CHST3: variants seen among roughly 807,000 people sequenced by gnomAD.
The protein encoded by CHST3 is carbohydrate sulfotransferase 3.
A neutral mutation model predicts 35.4 loss-of-function variants in CHST3; 20 were observed. The observed-to-expected ratio is 0.57, with a 90% CI of 0.40 to 0.82. The LOEUF is 0.82. Among genes scored for constraint, CHST3 ranks in the 40% least tolerant of loss-of-function variants. CHST3 has a pLI of 0.00. For missense variants in CHST3, 693 were observed against 670.1 expected (o/e 1.03, Z -0.38); for synonymous variants, 334 against 295.9 (o/e 1.13, Z -1.32).
intron 1 of CHST3, among the ~76,000 whole-genome samples, chr10:71,990,012 A>G (rs1040342705): frequency 6.6e-6 from 1 of 152,214 alleles, no homozygotes; most frequent in African/African-American, 2.4e-5. Flanking sequence ...TTTGCCTATT[A>G]ACATGCATTA....
intron 1 of CHST3, among the ~76,000 whole-genome samples, chr10:71,986,493 C>T (rs761569834): frequency 3.9e-5 from 6 of 152,208 alleles, no homozygotes; most frequent in Non-Finnish European, 1.5e-5. Context: ...TCGCAGCACT[C>T]GTATTTTCAA....
At chr10:72,004,720 G>T (rs747140264) in intron 1 of CHST3, among the ~76,000 whole-genome samples, 4 of 152,130 alleles carry the variant, frequency 2.6e-5, no homozygotes, top group Non-Finnish European at 4.4e-5. Flanking sequence ...CCCGGCATTT[G>T]TTTCTGAATG....
At chr10:71,989,928 A>G (rs1451059768) in intron 1 of CHST3, among the ~76,000 whole-genome samples, 1 of 152,230 alleles carries the variant, frequency 6.6e-6, no homozygotes. Flanking sequence ...CTTTTTAATC[A>G]TTACAGAGTA....
In CHST3 at chr10:71,982,775, A is replaced by G. The variant is rs935833392; in HGVS notation, c.-108+18081A>G. Reference sequence around the variant, plus strand: ...AAAAAAAGGAAAGAAAGTAAGTGTTATTTGAAGGTACTAAGTTTGTGGCAA... The same window carrying G: ...AAAAAAAGGAAAGAAAGTAAGTGTTGTTTGAAGGTACTAAGTTTGTGGCAA... On this transcript the variant is annotated intron_variant, in intron 1 of 2. Transcript: ENST00000373115. 4.6e-5 allele frequency among the ~76,000 whole-genome samples: 7 copies of G among 152,284 alleles called. No individual in the cohort carries two copies. The South Asian group carries it at 1.5e-3, about 32-fold the overall frequency.
chr10:71,998,924 G>A (rs1207889161), intron 1 of CHST3, among the ~76,000 whole-genome samples: 1 of 151,878 alleles, frequency 6.6e-6, no homozygotes, highest in Non-Finnish European at 1.5e-5. Flanking sequence ...GAGGTGGTGG[G>A]GGAGCTGCAG....
At chr10:71,968,375 T>G (rs1188487471) in intron 1 of CHST3, among the ~76,000 whole-genome samples, 1 of 152,228 alleles carries the variant, frequency 6.6e-6, no homozygotes, top group African/African-American at 2.4e-5. Flanking sequence ...CCTTATAGAT[T>G]CTGGATATTA....
intron 1 of CHST3, among the ~76,000 whole-genome samples, chr10:71,976,561 GGA>G (rs1298410538): frequency 1.3e-5 from 2 of 152,158 alleles, no homozygotes; most frequent in Non-Finnish European, 2.9e-5. Flanking sequence ...CTCCCCTCCA[GGA>G]GAGAGAGAAC....
intron 1 of CHST3, among the ~76,000 whole-genome samples, chr10:71,967,800 A>G (rs1839645996): frequency 1.3e-5 from 2 of 152,012 alleles, no homozygotes; most frequent in Admixed American, 1.3e-4. Context: ...AGCAGTGTAT[A>G]AGCACTCTGT....
chr10:71,978,027 C>T (rs1452039372), intron 1 of CHST3, among the ~76,000 whole-genome samples: 1 of 152,220 alleles, frequency 6.6e-6, no homozygotes, highest in Non-Finnish European at 1.5e-5. Context: ...CTTCCTACGC[C>T]TTCCTATGCC....
In CHST3 at chr10:72,007,225, C is replaced by T. The variant is rs774717127; in HGVS notation, c.194C>T (p.Thr65Ile). ...CAAGCTCTAGCAGATGCCAACAGCA[C>T]CGACCCAGCCCTGATCTTAGCTGAG... ...IPQALADANS[T>I]DPALILAENA... Residue 65 changes from threonine to isoleucine, a missense_variant, in exon 3 of 3, where the codon ACC becomes ATC. Thr to Ile is a moderately conservative substitution (Grantham distance 89). Coordinates refer to ENST00000373115, the MANE Select transcript of CHST3 (RefSeq NM_004273.5). 1.9e-6 allele frequency: 3 copies of T among 1,614,216 alleles called. No individual in the cohort carries two copies. Among genetic ancestry groups the T allele is most frequent in the Admixed American group, 3.3e-5 (2 of 60,028 alleles).
intron 1 of CHST3, among the ~76,000 whole-genome samples, chr10:71,965,275 T>A (rs1839618474): frequency 6.6e-6 from 1 of 152,080 alleles, no homozygotes; most frequent in African/African-American, 2.4e-5. Flanking sequence ...GCGAAGCCCT[T>A]CCGGAGGCGA....
chr10:72,000,055 C>T (rs1259833890), intron 1 of CHST3, among the ~76,000 whole-genome samples: 4 of 152,184 alleles, frequency 2.6e-5, no homozygotes, highest in East Asian at 1.9e-4. Flanking sequence ...TGGTTCGCAC[C>T]GTGGTCCCAG....
intron 1 of CHST3, among the ~76,000 whole-genome samples, chr10:72,002,701 C>T (rs939678601): frequency 6.6e-6 from 1 of 152,218 alleles, no homozygotes; most frequent in African/African-American, 2.4e-5. Context: ...TTCAACACCT[C>T]GTACTCTGAA....
At chr10:71,976,313 T>C (rs1360833405) in intron 1 of CHST3, among the ~76,000 whole-genome samples, 2 of 152,184 alleles carry the variant, frequency 1.3e-5, no homozygotes, top group African/African-American at 2.4e-5. Flanking sequence ...ATGCAGCACA[T>C]TGCCATTGCT....
chr10:71,992,013 TA>T (rs1195423868), intron 1 of CHST3, among the ~76,000 whole-genome samples: 16 of 152,162 alleles, frequency 1.1e-4, no homozygotes, highest in African/African-American at 3.4e-4. Context: ...GTACATAACT[TA>T]AAAATACTTT....
intron 1 of CHST3, among the ~76,000 whole-genome samples, chr10:72,005,444 TA>T: frequency 6.6e-6 from 1 of 152,352 alleles, no homozygotes; most frequent in South Asian, 2.1e-4. Flanking sequence ...CTCTTTTTGC[TA>T]TTATAAACAT....
At chr10:71,986,976 C>T (rs1839852385) in intron 1 of CHST3, among the ~76,000 whole-genome samples, 1 of 152,196 alleles carries the variant, frequency 6.6e-6, no homozygotes, top group Non-Finnish European at 1.5e-5. Flanking sequence ...AATTCCTCAC[C>T]CAACGTCAGC....
chr10:71,969,002 C>T (rs1331726526), intron 1 of CHST3, among the ~76,000 whole-genome samples: 2 of 135,328 alleles, frequency 1.5e-5, no homozygotes, highest in Non-Finnish European at 3.4e-5. Flanking sequence ...TAATCTATTA[C>T]CTGGGGAAAT....
intron 2 of CHST3, among the ~76,000 whole-genome samples, chr10:72,006,220 C>G (rs959574237): frequency 2.0e-5 from 3 of 152,334 alleles, no homozygotes; most frequent in African/African-American, 4.8e-5. Context: ...TGGCCCTCTA[C>G]AGCTGTGAAA....
Sources: gnomAD v4.1 joint callset for allele counts (sites outside exome capture counted in the v4.1 genomes callset) on GRCh38, gnomAD v4.1.1 for gene constraint, MANE v1.5 for transcripts, NCBI Gene and HGNC (gene_info 2026-07-23, HGNC 2026-07-21) for gene names.